CENPI: variants seen among roughly 807,000 people sequenced by gnomAD.
The protein encoded by CENPI is FSH primary response 1.
A neutral mutation model predicts 60.4 loss-of-function variants in CENPI; 4 were observed. That is an observed-to-expected ratio of 0.07 (90% CI 0.03 to 0.15). The LOEUF is 0.15. CENPI is among the 10% of genes least tolerant of loss of function. CENPI has a pLI of 1.00. For synonymous variants in CENPI, 157 were observed against 189.4 expected, an observed-to-expected ratio of 0.83 and a Z score of 1.40; for missense variants, 444 against 534.5, an observed-to-expected ratio of 0.83 and a Z score of 1.67.
intron 14 of CENPI, 41 bp from the exon 15 acceptor site, chrX:101,132,351 T>A: frequency 8.4e-7 from 1 of 1,194,218 alleles, no homozygotes; most frequent in South Asian, 1.8e-5. Context: ...CAACGTACTA[T>A]GATTGAAAGG....
intron 20 of CENPI, among the ~76,000 whole-genome samples, chrX:101,151,695 G>T (rs1021204852): frequency 5.5e-5 from 6 of 109,064 alleles, no homozygotes; most frequent in African/African-American, 2.0e-4. Context: ...TTAGCCGGGC[G>T]TGGTGGCACG....
chrX:101,117,193 G>C (rs2089631926), intron 6 of CENPI, among the ~76,000 whole-genome samples: 1 of 111,266 alleles, frequency 9.0e-6, no homozygotes, highest in South Asian at 3.7e-4. Flanking sequence ...TCAAACTGCA[G>C]ACATATATAT....
chrX:101,109,713 A>T, intron 5 of CENPI, 122 bp downstream of exon 5: 7 of 582,736 alleles, frequency 1.2e-5, no homozygotes, highest in Admixed American at 2.9e-5. Flanking sequence ...TTGGAACAAT[A>T]TATCTTGATG....
chrX:101,178,433 A>T, the CENPI span, among the ~76,000 whole-genome samples: 2 of 33,882 alleles, frequency 5.9e-5, no homozygotes, highest in Admixed American at 4.1e-4. Context: ...TTTGAGACAG[A>T]GAGTTTTGCT....
chrX:101,143,918 A>G (rs1190875192), intron 16 of CENPI, among the ~76,000 whole-genome samples: 1 of 111,551 alleles, frequency 9.0e-6, no homozygotes, highest in Non-Finnish European at 1.9e-5. Context: ...GTTTCCTTCA[A>G]TCTGTGTTGC....
At chrX:101,117,008 C>G (rs2089630318) in intron 6 of CENPI, among the ~76,000 whole-genome samples, 2 of 111,029 alleles carry the variant, frequency 1.8e-5, no homozygotes, top group Admixed American at 1.9e-4. Flanking sequence ...TCTTAGGATC[C>G]TTTGCCCTCT....
At chrX:101,115,009 G>A (rs2089603634) in intron 6 of CENPI, among the ~76,000 whole-genome samples, 1 of 108,884 alleles carries the variant, frequency 9.2e-6, no homozygotes. Flanking sequence ...TGTCACCCAG[G>A]CTGGAGTGCA....
chrX:101,163,021 G>C lies in CENPI; in HGVS notation c.*54G>C, dbSNP rs1172816546. The C allele has an allele frequency of 7.9e-6, 9 of 1,136,489 alleles. No individual in the cohort carries two copies. In the East Asian group the frequency reaches 2.8e-4, roughly 35 times the overall value. 93.7% of individuals were successfully genotyped at this position (1,136,489 alleles called of 1,213,427 possible). On this transcript the variant is annotated 3_prime_UTR_variant, in exon 22 of 22. Coordinates refer to ENST00000682095, the MANE Select transcript of CENPI (RefSeq NM_001386188.2). Reference sequence around the variant, plus strand: ...GGACTAAACTCACTCCTCATTGCTAGAGCAAAGTGGCTCATCTTGAGTTCC... The same window carrying C: ...GGACTAAACTCACTCCTCATTGCTACAGCAAAGTGGCTCATCTTGAGTTCC...
chrX:101,116,379 C>T (rs112179653), intron 6 of CENPI, among the ~76,000 whole-genome samples: 6 of 109,621 alleles, frequency 5.5e-5, no homozygotes, highest in East Asian at 2.9e-4. Context: ...CAATGTGGCC[C>T]GGATAACAAA....
At chrX:101,134,839 C>T (rs1202873679) in intron 15 of CENPI, among the ~76,000 whole-genome samples, 1 of 110,665 alleles carries the variant, frequency 9.0e-6, no homozygotes, top group Admixed American at 9.7e-5. Context: ...GCCTAGGCAA[C>T]GTGGTGAAAC....
chrX:101,109,973 T>G lies in CENPI; in HGVS notation c.566T>G (p.Phe189Cys). ...EQINLLYGFF[F>C]ASLQDDALCP... is the part of the protein sequence containing the mutation. The stretch of plus-strand genomic sequence containing the variant: ...ATTAACTTGCTCTATGGCTTCTTTT[T>G]TGCTTCATTGCAAGATGATGCACTG... The change falls in exon 6 of 22, where the codon TTT becomes TGT. Residue 189 changes from phenylalanine to cysteine, a missense_variant. Coordinates refer to ENST00000682095, the MANE Select transcript of CENPI (RefSeq NM_001386188.2). 8.4e-7 allele frequency: 1 copy of G among 1,196,317 alleles called. No homozygotes were observed. Among genetic ancestry groups the G allele is most frequent in the Non-Finnish European group, 1.1e-6 (1 of 882,647 alleles).
At chrX:101,103,433 C>G (rs2089446227) in intron 4 of CENPI, among the ~76,000 whole-genome samples, 1 of 110,354 alleles carries the variant, frequency 9.1e-6, no homozygotes, top group Non-Finnish European at 1.9e-5. Flanking sequence ...CCTCTGCCTC[C>G]CAGGTTCAAG....
intron 4 of CENPI, 141 bp from the exon 5 acceptor site, chrX:101,109,332 T>C: frequency 2.1e-6 from 1 of 467,382 alleles, no homozygotes; most frequent in Non-Finnish European, 3.7e-6. Flanking sequence ...CTGCCCACCA[T>C]GGCCTCCCAA....
intron 6 of CENPI, among the ~76,000 whole-genome samples, chrX:101,110,232 G>A (rs769648768): frequency 8.9e-6 from 1 of 111,900 alleles, no homozygotes; most frequent in African/African-American, 3.2e-5. Flanking sequence ...AATTTTTATC[G>A]TATTTACTTT....
chrX:101,150,410 C>T (rs770972480), intron 20 of CENPI, among the ~76,000 whole-genome samples: 26 of 109,338 alleles, frequency 2.4e-4, no homozygotes, highest in African/African-American at 7.3e-4. Context: ...ACTCTCTGTC[C>T]CCCAGGATGG....
the CENPI span, among the ~76,000 whole-genome samples, chrX:101,171,932 T>C: frequency 8.9e-6 from 1 of 111,989 alleles, no homozygotes; most frequent in African/African-American, 3.2e-5. Flanking sequence ...AAATCATACC[T>C]GATAAAACTA....
intron 20 of CENPI, among the ~76,000 whole-genome samples, chrX:101,152,224 G>A (rs1197166507): frequency 1.4e-4 from 15 of 108,832 alleles, no homozygotes; most frequent in Non-Finnish European, 2.7e-4. Context: ...CACCATGCCT[G>A]GCTAATTTTT....
intron 2 of CENPI, chrX:101,099,924 A>T (rs1369219007): frequency 9.2e-6 from 1 of 108,251 alleles, no homozygotes; most frequent in African/African-American, 3.4e-5. Flanking sequence ...AGTAGATAGG[A>T]CTACAGGCAC....
At chrX:101,120,514 A>G in intron 7 of CENPI, 64 bp downstream of exon 7, 1 of 651,600 alleles carries the variant, frequency 1.5e-6, no homozygotes, top group South Asian at 2.7e-5. Context: ...GGCCTTTATA[A>G]AGTTAAAATA....
Sources: gnomAD v4.1 joint callset for allele counts (sites outside exome capture counted in the v4.1 genomes callset) on GRCh38, gnomAD v4.1.1 for gene constraint, MANE v1.5 for transcripts, NCBI Gene and HGNC (gene_info 2026-07-23, HGNC 2026-07-21) for gene names.